The following GALNT7 variants were observed in gnomAD, a reference collection of about 807,000 sequenced individuals.
The protein encoded by GALNT7 is N-acetylgalactosaminyltransferase 7.
GALNT7 carries 60 observed loss-of-function variants against 82.1 expected under a neutral mutation model. That is an observed-to-expected ratio of 0.73 (90% CI 0.59 to 0.91). GALNT7 has a LOEUF of 0.91. Ranked by LOEUF, GALNT7 falls within the 40% of genes least tolerant of loss-of-function variation. GALNT7 has a pLI of 0.00. For missense variants in GALNT7, 660 were observed against 804.2 expected (o/e 0.82, Z 2.17); for synonymous variants, 243 against 275.1 (o/e 0.88, Z 1.15).
At chr4:173,260,178 C>T (rs1239641287) in intron 2 of GALNT7, among the ~76,000 whole-genome samples, 1 of 152,132 alleles carries the variant, frequency 6.6e-6, no homozygotes, top group Non-Finnish European at 1.5e-5. Flanking sequence ...TGCTCAGTGT[C>T]TTCAATAGGT....
intron 2 of GALNT7, among the ~76,000 whole-genome samples, chr4:173,272,574 T>G (rs1376050153): frequency 1.3e-5 from 2 of 152,214 alleles, no homozygotes; most frequent in Non-Finnish European, 2.9e-5. Flanking sequence ...CAGAAAGATT[T>G]GATTTTCTGG....
intron 1 of GALNT7, among the ~76,000 whole-genome samples, chr4:173,182,257 TGTAA>T (rs752162506): frequency 8.5e-5 from 13 of 152,328 alleles, no homozygotes; most frequent in Admixed American, 2.0e-4. Flanking sequence ...AAAAGGAAGT[TGTAA>T]GTGTCAGTTA....
intron 2 of GALNT7, among the ~76,000 whole-genome samples, chr4:173,251,092 C>A (rs949184321): frequency 1.3e-5 from 2 of 152,168 alleles, no homozygotes; most frequent in Admixed American, 6.5e-5. Context: ...AGAGCAAGAA[C>A]TATGCCTATT....
At chr4:173,288,301 A>AAAAAAAAAAAG (rs1289159201) in intron 2 of GALNT7, among the ~76,000 whole-genome samples, 1 of 148,364 alleles carries the variant, frequency 6.7e-6, no homozygotes, top group African/African-American at 2.6e-5. Context: ...AAAAAAAAAA[A>AAAAAAAAAAAG]AAAAGAAAAG....
chr4:173,267,495 G>A (rs1735547818), intron 2 of GALNT7, among the ~76,000 whole-genome samples: 1 of 152,176 alleles, frequency 6.6e-6, no homozygotes, highest in African/African-American at 2.4e-5. Context: ...CCATGCCTGG[G>A]CACAGACCAG....
intron 1 of GALNT7, among the ~76,000 whole-genome samples, chr4:173,176,157 C>G (rs149081219): frequency 6.6e-6 from 1 of 152,250 alleles, no homozygotes; most frequent in East Asian, 1.9e-4. Context: ...ATGGCCAGAG[C>G]AGAGTCTTCA....
At chr4:173,267,504 A>G (rs1561181679) in intron 2 of GALNT7, among the ~76,000 whole-genome samples, 1 of 152,222 alleles carries the variant, frequency 6.6e-6, no homozygotes, top group Non-Finnish European at 1.5e-5. Flanking sequence ...GGCACAGACC[A>G]GCAAATGTCA....
intron 1 of GALNT7, among the ~76,000 whole-genome samples, chr4:173,247,316 T>G (rs1734678709): frequency 6.6e-6 from 1 of 151,148 alleles, no homozygotes; most frequent in Non-Finnish European, 1.5e-5. Flanking sequence ...GAATCTGTTT[T>G]GACCCATGCT....
chr4:173,271,449 GTTTA>G (rs907797175), intron 2 of GALNT7, among the ~76,000 whole-genome samples: 58 of 142,674 alleles, frequency 4.1e-4, no homozygotes, highest in African/African-American at 1.1e-3. Context: ...TTGTTTGTTT[GTTTA>G]TTTATTTATT....
intron 1 of GALNT7, among the ~76,000 whole-genome samples, chr4:173,234,629 G>A (rs560579696): frequency 1.3e-5 from 2 of 152,100 alleles, no homozygotes; most frequent in Non-Finnish European, 2.9e-5. Flanking sequence ...ACTATAATTT[G>A]AATGTCTGTC....
At chr4:173,199,091 A>G (rs1041174337) in intron 1 of GALNT7, among the ~76,000 whole-genome samples, 6 of 152,222 alleles carry the variant, frequency 3.9e-5, no homozygotes, top group Non-Finnish European at 7.3e-5. Flanking sequence ...AAGTATTTCA[A>G]TCAAATTTTT....
At chr4:173,257,418 A>G (rs902181565) in intron 2 of GALNT7, among the ~76,000 whole-genome samples, 10 of 152,222 alleles carry the variant, frequency 6.6e-5, no homozygotes, top group African/African-American at 2.4e-4. Flanking sequence ...TGAATATGTA[A>G]AAGGTACACT....
intron 1 of GALNT7, among the ~76,000 whole-genome samples, chr4:173,183,098 TTC>T (rs1297857563): frequency 3.1e-4 from 46 of 148,596 alleles, no homozygotes; most frequent in African/African-American, 8.9e-4. Flanking sequence ...ACACTGCTTT[TTC>T]TCTGTGTACC....
rs770820533 is a variant in GALNT7 at position 173,212,855 on chromosome 4, A to G, written c.127-35125A>G. On this transcript the variant is annotated intron_variant, in intron 1 of 11. Coordinates refer to ENST00000265000, the MANE Select transcript of GALNT7 (RefSeq NM_017423.3). Reference sequence around the variant, plus strand: ...ACATAGGACATTAAAGAGCATGATCATTTCTTCAAAAATAGGTTCCTTCAA... The same window carrying G: ...ACATAGGACATTAAAGAGCATGATCGTTTCTTCAAAAATAGGTTCCTTCAA... Among the ~76,000 whole-genome samples the G allele has an allele frequency of 1.6e-3, 236 of 152,100 alleles. 5 individuals carry two copies. The highest frequency in any genetic ancestry group is 3.5e-4 in the Non-Finnish European group (24 of 67,978).
chr4:173,235,134 G>A (rs905051811), intron 1 of GALNT7, among the ~76,000 whole-genome samples: 2 of 152,002 alleles, frequency 1.3e-5, no homozygotes, highest in African/African-American at 4.8e-5. Flanking sequence ...CCAGACTACT[G>A]CTGTCTATTC....
intron 2 of GALNT7, among the ~76,000 whole-genome samples, chr4:173,285,247 G>T (rs1432519960): frequency 6.6e-6 from 1 of 152,132 alleles, no homozygotes; most frequent in East Asian, 1.9e-4. Context: ...ATGTTCAGTA[G>T]TCTCAATTAC....
At chr4:173,218,642 A>G (rs1242797113) in intron 1 of GALNT7, among the ~76,000 whole-genome samples, 2 of 152,308 alleles carry the variant, frequency 1.3e-5, no homozygotes, top group Admixed American at 6.5e-5. Context: ...AAGCATTGCT[A>G]TTCACATTGT....
chr4:173,223,799 C>T (rs1733714643), intron 1 of GALNT7, among the ~76,000 whole-genome samples: 2 of 151,858 alleles, frequency 1.3e-5, no homozygotes, highest in African/African-American at 4.8e-5. Flanking sequence ...CTCTCTCTGC[C>T]TTTCTCTCCC....
At chr4:173,237,197 G>T (rs1266468314) in intron 1 of GALNT7, among the ~76,000 whole-genome samples, 1 of 152,068 alleles carries the variant, frequency 6.6e-6, no homozygotes, top group Non-Finnish European at 1.5e-5. Flanking sequence ...TTTTTCCCTG[G>T]GGTGGTTATT....
Sources: allele counts gnomAD v4.1 joint callset (sites outside exome capture counted in the v4.1 genomes callset), GRCh38; gene constraint gnomAD v4.1.1; transcripts MANE v1.5; gene names NCBI Gene and HGNC (gene_info 2026-07-23, HGNC 2026-07-21).